Variants in COL4A2 observed in about 807,000 individuals in gnomAD.
COL4A2 encodes collagen alpha-2(IV) chain.
COL4A2 carries 99 observed loss-of-function variants against 200.2 expected under a neutral mutation model. The observed-to-expected ratio is 0.49, with a 90% CI of 0.42 to 0.58. COL4A2 has a LOEUF of 0.58. Among genes scored for constraint, COL4A2 ranks in the 20% least tolerant of loss-of-function variants. COL4A2 has a pLI of 0.00. For missense variants in COL4A2, 1,950 were observed against 2,314.1 expected (o/e 0.84, Z 3.23); for synonymous variants, 897 against 900.6 (o/e 1.00, Z 0.07).
rs576041291 is a variant in COL4A2 at position 110,414,324 on chromosome 13, A to C, written c.181-10410A>C. 3.8e-3 allele frequency among the ~76,000 whole-genome samples: 573 copies of C among 152,358 alleles called. 5 individuals carry two copies. Among genetic ancestry groups the C allele is most frequent in the African/African-American group, 0.013 (539 of 41,590 alleles). ...ATCTCACATGAAAAAATTAAAAAGA[A>C]AAAAACAAGGAAAAAGAAAAATACA... On this transcript the variant is annotated intron_variant, in intron 4 of 47. Coordinates refer to ENST00000360467, the MANE Select transcript of COL4A2 (RefSeq NM_001846.4).
intron 39 of COL4A2, among the ~76,000 whole-genome samples, chr13:110,493,546 TAG>T (rs1388420398): frequency 1.5e-4 from 23 of 152,056 alleles, no homozygotes; most frequent in African/African-American, 5.3e-4. Flanking sequence ...GAGAGAGAAA[TAG>T]AGTCCTTGCT....
chr13:110,468,023 AG>A, intron 27 of COL4A2: 1 of 402,956 alleles, frequency 2.5e-6, no homozygotes. Flanking sequence ...TAGTGCAGAC[AG>A]GTGTTCTAGA....
chr13:110,480,375 AC>A lies in COL4A2; in HGVS notation c.2748del (p.Leu918Ter). On this transcript the variant is annotated frameshift_variant, in exon 31 of 48. Coordinates refer to ENST00000360467, the MANE Select transcript of COL4A2 (RefSeq NM_001846.4). LOFTEE classifies it high-confidence loss of function. ...GFKGIDGMPGTPGLKGDRGSP... is the reference protein window; with the variant it reads ...GFKGIDGMPGXPGLKGDRGSP... ...TAAAGGAATTGATGGAATGCCTGGG[AC>A]CCCCGGGCTAAAAGGTAATTGTGTG... The A allele has an allele frequency of 1.9e-6, 3 of 1,611,272 alleles. No individual in the cohort carries two copies. Among genetic ancestry groups the A allele is most frequent in the Non-Finnish European group, 2.5e-6 (3 of 1,178,900 alleles).
At chr13:110,354,508 A>T (rs9583487) in intron 3 of COL4A2, among the ~76,000 whole-genome samples, 10,035 of 152,144 alleles carry the variant, frequency 0.066, 1,131 homozygotes, top group African/African-American at 0.23. Flanking sequence ...TTACTTTTAC[A>T]CCATAAACTC....
chr13:110,503,122 T>C lies in COL4A2; in HGVS notation c.3879T>C (p.Gly1293=). ...KGAPGIFGLK[G]YRGPPGPPGS... ...CTTTCTTGTCCCTAATGCCAACAGG[T>C]TATCGGGGCCCACCAGGGCCACCAG... Residue 1293 remains glycine, a splice_region_variant and synonymous_variant, in exon 42 of 48, where the codon GGT becomes GGC. Coordinates refer to ENST00000360467, the MANE Select transcript of COL4A2 (RefSeq NM_001846.4). 6.2e-7 allele frequency: 1 copy of C among 1,613,412 alleles called. No individual in the cohort carries two copies. The highest frequency in any genetic ancestry group is 8.5e-7 in the Non-Finnish European group (1 of 1,179,828).
intron 4 of COL4A2, among the ~76,000 whole-genome samples, chr13:110,420,197 C>T (rs1306876476): frequency 6.6e-6 from 1 of 152,206 alleles, no homozygotes; most frequent in Non-Finnish European, 1.5e-5. Context: ...TGAGTGCACC[C>T]CGGCCAGCCC....
intron 4 of COL4A2, among the ~76,000 whole-genome samples, chr13:110,417,338 G>T (rs112338168): frequency 1.3e-5 from 2 of 151,576 alleles, no homozygotes; most frequent in Admixed American, 6.6e-5. Context: ...CTTCCTTTTC[G>T]AACTGTTCTC....
At chr13:110,484,869 G>A in intron 32 of COL4A2, 36 bp from the exon 33 acceptor site, 1 of 1,569,940 alleles carries the variant, frequency 6.4e-7, no homozygotes, top group Non-Finnish European at 8.7e-7. Context: ...GTGGTCTGGA[G>A]CCCCCAGAAA....
At chr13:110,485,543 A>T in intron 33 of COL4A2, 112 bp from the exon 34 acceptor site, 1 of 593,242 alleles carries the variant, frequency 1.7e-6, no homozygotes, top group Non-Finnish European at 2.8e-6. Context: ...AAAAAAAAAA[A>T]AAAGATTCAC....
chr13:110,411,017 A>T (rs1424698121), intron 4 of COL4A2, among the ~76,000 whole-genome samples: 1 of 152,134 alleles, frequency 6.6e-6, no homozygotes, highest in Admixed American at 6.5e-5. Context: ...CTTCTTCTCG[A>T]TGCTCTTAAG....
At chr13:110,423,259 C>A (rs746740436) in intron 4 of COL4A2, among the ~76,000 whole-genome samples, 11 of 151,984 alleles carry the variant, frequency 7.2e-5, no homozygotes, top group Admixed American at 3.3e-4. Context: ...ACTTCCCCTC[C>A]CCTCCTTTCT....
At position 110,493,550 on chromosome 13, in the gene COL4A2, G is replaced by T. The variant is rs1474397886; in HGVS notation, c.3634+268G>T. On this transcript the variant is annotated intron_variant, in intron 39 of 47. Transcript: ENST00000360467. ...GCTTTTAGACGGAGAGAGAAATAGA[G>T]TCCTTGCTTTTTCAGCAGCACCGTT... 2.0e-5 allele frequency among the ~76,000 whole-genome samples: 3 copies of T among 152,202 alleles called. No individual in the cohort carries two copies. In the East Asian group the frequency reaches 5.8e-4, roughly 29 times the overall value.
chr13:110,484,012 G>T (rs1346329203), intron 32 of COL4A2, among the ~76,000 whole-genome samples: 1 of 151,688 alleles, frequency 6.6e-6, no homozygotes, highest in African/African-American at 2.4e-5. Flanking sequence ...GCAATCTAGG[G>T]TGCTCATTTT....
chr13:110,501,618 A>T, intron 40 of COL4A2, 50 bp from the exon 41 acceptor site: 1 of 1,489,716 alleles, frequency 6.7e-7, no homozygotes, highest in Non-Finnish European at 9.4e-7. Flanking sequence ...AGTAGATTTG[A>T]AAAGTTGGGT....
chr13:110,435,603 A>G (rs928457276), intron 12 of COL4A2, among the ~76,000 whole-genome samples: 5 of 152,208 alleles, frequency 3.3e-5, no homozygotes, highest in African/African-American at 1.2e-4. Flanking sequence ...TCAGACTTGT[A>G]TGATACAGTT....
At chr13:110,351,194 G>A (rs182517440) in intron 3 of COL4A2, among the ~76,000 whole-genome samples, 5 of 151,628 alleles carry the variant, frequency 3.3e-5, no homozygotes, top group East Asian at 1.9e-4. Flanking sequence ...GACCACAGGC[G>A]TGCACCACCA....
intron 4 of COL4A2, among the ~76,000 whole-genome samples, chr13:110,403,552 C>G (rs1171573617): frequency 2.6e-5 from 4 of 152,194 alleles, no homozygotes; most frequent in African/African-American, 9.7e-5. Flanking sequence ...CACATTTCTA[C>G]CAACATTCTG....
chr13:110,355,442 CTG>C (rs112779906), intron 3 of COL4A2, among the ~76,000 whole-genome samples: 1 of 111,768 alleles, frequency 8.9e-6, no homozygotes, highest in African/African-American at 3.8e-5. Context: ...ACTAGCTCAC[CTG>C]TGTGTGTGGG....
intron 29 of COL4A2, among the ~76,000 whole-genome samples, chr13:110,474,686 CCCACACACGTGCCTGT>C (rs1882616593): frequency 7.1e-6 from 1 of 139,922 alleles, no homozygotes. Context: ...TACACACGTA[CCCACACACGTGCCTGT>C]GTACACTCAC....
Sources: allele counts gnomAD v4.1 joint callset (sites outside exome capture counted in the v4.1 genomes callset), GRCh38; gene constraint gnomAD v4.1.1; transcripts MANE v1.5; gene names NCBI Gene and HGNC (gene_info 2026-07-23, HGNC 2026-07-21).